The following SOX6 variants were observed in gnomAD, a reference collection of about 807,000 sequenced individuals.
SOX6 encodes transcription factor SOX-6.
Under a neutral mutation model 97.8 loss-of-function variants are expected in SOX6, and 11 were observed. The observed-to-expected ratio is 0.11, with a 90% CI of 0.07 to 0.19. The LOEUF (loss-of-function observed/expected upper bound fraction) is 0.19, where lower values mean the gene tolerates loss of function less well. Among genes scored for constraint, SOX6 ranks in the 10% least tolerant of loss-of-function variants. The pLI, the probability that SOX6 is intolerant of heterozygous loss-of-function variation, is 1.00. For synonymous variants in SOX6, 360 were observed against 371.4 expected, an observed-to-expected ratio of 0.97 and a Z score of 0.35; for missense variants, 810 against 1,039.5, an observed-to-expected ratio of 0.78 and a Z score of 3.04.
rs954521695 is a variant in SOX6 at position 16,259,949 on chromosome 11, G to A, written c.446-25278C>T. Among the ~76,000 whole-genome samples, 623 of 149,800 alleles carry A rather than the reference G, an allele frequency of 4.2e-3. 4 individuals are homozygous for A. The highest frequency in any genetic ancestry group is 0.014 in the African/African-American group (557 of 41,116). On this transcript the variant is annotated intron_variant, in intron 3 of 15. Coordinates refer to ENST00000683767, the MANE Select transcript of SOX6 (RefSeq NM_001367873.1). ...TTATACTTCAATGTCCCAAATATGT[G>A]TGTGTGTGTGTGTGTGTGTGTGTGT... is the stretch of plus-strand genomic sequence containing the variant.
At chr11:16,456,539 G>A (rs567425827) in intron 1 of SOX6, among the ~76,000 whole-genome samples, 1 of 152,192 alleles carries the variant, frequency 6.6e-6, no homozygotes, top group East Asian at 1.9e-4. Context: ...GATGAAGTCA[G>A]GTGACACCTC....
chr11:16,638,807 T>A (rs1318607407), intron 3 of SOX6, among the ~76,000 whole-genome samples: 1 of 152,232 alleles, frequency 6.6e-6, no homozygotes, highest in Non-Finnish European at 1.5e-5. Flanking sequence ...TCTTTGTAGA[T>A]TCTTGATATT....
chr11:16,129,025 AT>A (rs34756324), intron 6 of SOX6, among the ~76,000 whole-genome samples: 4,063 of 119,222 alleles, frequency 0.034, 130 homozygotes, highest in African/African-American at 0.099. Context: ...CATGCCTGGC[AT>A]TTTTTTTTTT....
intron 15 of SOX6, among the ~76,000 whole-genome samples, chr11:15,979,247 T>C (rs1399244575): frequency 6.6e-6 from 1 of 151,718 alleles, no homozygotes; most frequent in Non-Finnish European, 1.5e-5. Flanking sequence ...TTTCAAACTC[T>C]GTATCCAATT....
intron 12 of SOX6, among the ~76,000 whole-genome samples, chr11:16,036,156 C>T (rs1201133045): frequency 6.6e-6 from 1 of 151,376 alleles, no homozygotes; most frequent in African/African-American, 2.4e-5. Context: ...CTCTGCTCAC[C>T]GCAACCTCTG....
intron 3 of SOX6, among the ~76,000 whole-genome samples, chr11:16,712,369 G>A (rs1357745429): frequency 6.6e-6 from 1 of 152,118 alleles, no homozygotes; most frequent in East Asian, 1.9e-4. Context: ...CCCACCAGCA[G>A]TGTAGAAGTG....
At chr11:16,731,305 T>C (rs1216493063) in intron 2 of SOX6, among the ~76,000 whole-genome samples, 3 of 152,142 alleles carry the variant, frequency 2.0e-5, no homozygotes, top group African/African-American at 7.2e-5. Flanking sequence ...AAAGAAATTT[T>C]CAGGCCAATA....
chr11:16,680,655 C>A (rs1008399757), intron 3 of SOX6, among the ~76,000 whole-genome samples: 2 of 152,178 alleles, frequency 1.3e-5, no homozygotes, highest in African/African-American at 4.8e-5. Flanking sequence ...ATAAAAGACA[C>A]AGACTGGCAA....
intron 3 of SOX6, among the ~76,000 whole-genome samples, chr11:16,690,060 G>A (rs529743176): frequency 3.9e-5 from 6 of 151,996 alleles, no homozygotes; most frequent in African/African-American, 1.4e-4. Context: ...GAGTATCTGG[G>A]ATTACAAATG....
intron 13 of SOX6, among the ~76,000 whole-genome samples, chr11:16,008,307 G>C (rs933003316): frequency 3.9e-5 from 6 of 152,054 alleles, no homozygotes; most frequent in African/African-American, 1.4e-4. Flanking sequence ...ACAGACGGCA[G>C]ACTATATTTC....
chr11:16,637,437 T>C (rs1301208208), intron 3 of SOX6, among the ~76,000 whole-genome samples: 2 of 152,176 alleles, frequency 1.3e-5, no homozygotes, highest in Non-Finnish European at 2.9e-5. Context: ...GCCAGGCTGG[T>C]CTTGAACTCC....
At chr11:16,533,459 G>A (rs987654409) in intron 4 of SOX6, among the ~76,000 whole-genome samples, 6 of 151,932 alleles carry the variant, frequency 3.9e-5, no homozygotes, top group African/African-American at 1.4e-4. Flanking sequence ...TTCTGAAGAC[G>A]TTAAAGGTGG....
At chr11:16,038,931 A>G (rs1376460228) in intron 12 of SOX6, among the ~76,000 whole-genome samples, 2 of 152,138 alleles carry the variant, frequency 1.3e-5, no homozygotes, top group Non-Finnish European at 2.9e-5. Flanking sequence ...GTATGTCTGA[A>G]GCTTTTGTGA....
intron 13 of SOX6, among the ~76,000 whole-genome samples, chr11:16,014,690 T>A (rs1854829248): frequency 6.6e-6 from 1 of 152,044 alleles, no homozygotes; most frequent in Non-Finnish European, 1.5e-5. Context: ...TTTTAAAACT[T>A]TGATGGTAAC....
chr11:15,980,211 C>G (rs1221398003), intron 15 of SOX6, among the ~76,000 whole-genome samples: 1 of 151,918 alleles, frequency 6.6e-6, no homozygotes, highest in East Asian at 1.9e-4. Flanking sequence ...AGATTAGAAC[C>G]AATCTGCAAA....
At chr11:16,720,570 C>A in intron 2 of SOX6, among the ~76,000 whole-genome samples, 1 of 127,228 alleles carries the variant, frequency 7.9e-6, no homozygotes. Flanking sequence ...GGAGGGATAG[C>A]ATTAGGAGAT....
intron 7 of SOX6, among the ~76,000 whole-genome samples, chr11:16,102,721 C>T (rs2133982619): frequency 6.6e-6 from 1 of 152,006 alleles, no homozygotes; most frequent in Admixed American, 6.6e-5. Flanking sequence ...AGAAATAAAG[C>T]CAAATACTTC....
intron 2 of SOX6, among the ~76,000 whole-genome samples, chr11:16,321,739 G>C (rs1855932852): frequency 1.3e-5 from 2 of 152,000 alleles, no homozygotes; most frequent in South Asian, 4.1e-4. Flanking sequence ...AAAGCCACAA[G>C]AATTACTTGC....
Position 16,610,355 on chromosome 11 carries a change from G to C in SOX6, n.609+1726C>G, listed in dbSNP as rs1175313929. Among the ~76,000 whole-genome samples the C allele has an allele frequency of 6.6e-6, 1 of 152,174 alleles. No homozygotes were observed. Among genetic ancestry groups the C allele is most frequent in the Non-Finnish European group, 1.5e-5 (1 of 68,032 alleles). On this transcript the variant is annotated intron_variant and non_coding_transcript_variant, in intron 4 of 5. Transcript: ENST00000524520. This position sits in a 1 kb window ranked among gnomAD's most constrained non-coding sequence, Gnocchi z 4.4. ...GAGCGCGACTGGGTTCCTCCAATTT[G>C]CTGCGACAAGTTTGGCTTTCCAAAT...
Sources: allele counts gnomAD v4.1 joint callset (sites outside exome capture counted in the v4.1 genomes callset), GRCh38; gene constraint gnomAD v4.1.1; non-coding constraint Gnocchi (gnomAD v3.1); transcripts MANE v1.5; gene names NCBI Gene and HGNC (gene_info 2026-07-23, HGNC 2026-07-21).